CHD1L: variants seen among roughly 807,000 people sequenced by gnomAD.
CHD1L encodes the protein ATP-dependent chromatin remodeler CHD1L.
A neutral mutation model predicts 115.9 loss-of-function variants in CHD1L; 118 were observed. The observed-to-expected ratio is 1.02, with a 90% CI of 0.88 to 1.19. The LOEUF (loss-of-function observed/expected upper bound fraction) is 1.19. Ranked by LOEUF, CHD1L falls within the 50% of genes most tolerant of loss-of-function variation. CHD1L has a pLI of 0.00. For synonymous variants in CHD1L, 411 were observed against 387.1 expected (o/e 1.06, Z -0.72); for missense variants, 1,179 against 1,065.3 (o/e 1.11, Z -1.49).
At chr1:147,290,061 T>C (rs1429443294) in intron 19 of CHD1L, among the ~76,000 whole-genome samples, 1 of 152,118 alleles carries the variant, frequency 6.6e-6, no homozygotes, top group East Asian at 1.9e-4. Flanking sequence ...ATAGACAGGG[T>C]CTGTAAAATA....
At chr1:147,284,218 C>T in intron 15 of CHD1L, 133 bp from the exon 16 acceptor site, 1 of 632,232 alleles carries the variant, frequency 1.6e-6, no homozygotes, top group Admixed American at 3.5e-5. Context: ...AAATGAAATA[C>T]CTTCCTTCAT....
At chr1:147,234,777 A>T in the CHD1L span, among the ~76,000 whole-genome samples, 1 of 152,246 alleles carries the variant, frequency 6.6e-6, no homozygotes, top group Non-Finnish European at 1.5e-5. Flanking sequence ...TTATACTGAC[A>T]TGAAAAAATT....
At chr1:147,248,010 TTA>T (rs1667156671) in intron 1 of CHD1L, among the ~76,000 whole-genome samples, 1 of 152,206 alleles carries the variant, frequency 6.6e-6, no homozygotes, top group Non-Finnish European at 1.5e-5. Context: ...TTAACCTTGA[TTA>T]TGTGTTCAGA....
chr1:147,214,873 A>G, the CHD1L span: 1 of 152,058 alleles, frequency 6.6e-6, no homozygotes, highest in Non-Finnish European at 1.5e-5. Context: ...ATGGTAGCAA[A>G]CTTGTTCAAT....
At chr1:147,218,627 T>C in the CHD1L span, among the ~76,000 whole-genome samples, 1 of 152,212 alleles carries the variant, frequency 6.6e-6, no homozygotes, top group Non-Finnish European at 1.5e-5. Flanking sequence ...ATAGTTTCTC[T>C]TGATTCCATA....
the CHD1L span, among the ~76,000 whole-genome samples, chr1:147,227,446 C>T: frequency 2.0e-5 from 3 of 152,254 alleles, no homozygotes; most frequent in East Asian, 5.8e-4. Flanking sequence ...TTAATGTCCC[C>T]CTACTTCAAT....
In CHD1L at chr1:147,272,200, G is replaced by C. The variant is rs1457716456; in HGVS notation, c.1189G>C (p.Val397Leu). 6.2e-7 allele frequency: 1 copy of C among 1,614,142 alleles called. No individual in the cohort carries two copies. The highest frequency in any genetic ancestry group is 1.7e-4 in the Middle Eastern group (1 of 6,060). The stretch of plus-strand genomic sequence containing the variant: ...CAGCTATGAGCGTGTGGATGGTTCT[G>C]TGAGAGGAGAAGAGAGACACTTGGC... Reference protein sequence around the residue: ...GYSYERVDGSVRGEERHLAIK... With the variant: ...GYSYERVDGSLRGEERHLAIK... Residue 397 changes from valine (V) to leucine (L), a missense_variant, in exon 12 of 23, where the codon GTG becomes CTG. Val to Leu is a conservative substitution (Grantham distance 32). Transcript: ENST00000369258.
chr1:147,182,957 T>C, the CHD1L span, among the ~76,000 whole-genome samples: 1 of 152,200 alleles, frequency 6.6e-6, no homozygotes, highest in Non-Finnish European at 1.5e-5. Flanking sequence ...CCCAGCACTT[T>C]GGGAGGCCGA....
the CHD1L span, chr1:147,208,318 GGT>G: frequency 6.6e-6 from 1 of 152,370 alleles, no homozygotes; most frequent in African/African-American, 2.4e-5. Context: ...ATGAGAAAAG[GGT>G]TACTGCCAAA....
At chr1:147,186,650 A>G in the CHD1L span, 5 of 1,242,366 alleles carry the variant, frequency 4.0e-6, no homozygotes, top group South Asian at 1.2e-4. Context: ...GATGACTAAA[A>G]GAGTACCTGA....
At chr1:147,256,288 T>C (rs929450384) in intron 4 of CHD1L, among the ~76,000 whole-genome samples, 1 of 152,176 alleles carries the variant, frequency 6.6e-6, no homozygotes, top group South Asian at 2.1e-4. Flanking sequence ...GCTCCGGCCT[T>C]ATTTTAAATC....
At chr1:147,259,728 C>T in intron 5 of CHD1L, 109 bp from the exon 6 acceptor site, 1 of 864,170 alleles carries the variant, frequency 1.2e-6, no homozygotes, top group East Asian at 2.5e-5. Context: ...ATAGAAGGGG[C>T]TTACTGTTAA....
rs139416201 is a variant in CHD1L at position 147,288,757 on chromosome 1, T to G, written c.2320+1024T>G. 1.4e-3 allele frequency among the ~76,000 whole-genome samples: 210 copies of G among 152,252 alleles called. 2 individuals are homozygous for G. The highest frequency in any genetic ancestry group is 1.2e-3 in the Non-Finnish European group (83 of 68,028). On this transcript the variant is annotated intron_variant, in intron 19 of 22. Coordinates refer to ENST00000369258, the MANE Select transcript of CHD1L (RefSeq NM_004284.6). ...AACTCGGGTTTGGTGCTGAGTGGAA[T>G]GAAGATGTGTTAAGAGGTCAGCACA... is the stretch of plus-strand genomic sequence containing the variant.
the CHD1L span, among the ~76,000 whole-genome samples, chr1:147,227,661 C>G: frequency 6.6e-6 from 1 of 152,186 alleles, no homozygotes; most frequent in Admixed American, 6.5e-5. Flanking sequence ...CATGCTATTA[C>G]TAGACAGCAA....
intron 1 of CHD1L, among the ~76,000 whole-genome samples, chr1:147,250,411 C>T (rs1178542812): frequency 6.6e-6 from 1 of 152,050 alleles, no homozygotes; most frequent in South Asian, 2.1e-4. Flanking sequence ...CTTGTTAGTG[C>T]CAGGTGGGGA....
At chr1:147,270,331 C>T (rs1198803830) in intron 10 of CHD1L, among the ~76,000 whole-genome samples, 4 of 152,162 alleles carry the variant, frequency 2.6e-5, no homozygotes, top group African/African-American at 9.7e-5. Context: ...CCTCCTCTCG[C>T]TATACAAAAA....
In CHD1L at chr1:147,275,466, CAAGT is replaced by C. The variant is rs782135795; in HGVS notation, c.1385+3_1385+6del. 8.1e-6 allele frequency: 13 copies of C among 1,612,616 alleles called. No individual in the cohort carries two copies. Among genetic ancestry groups the C allele is most frequent in the Non-Finnish European group, 1.0e-5 (12 of 1,178,680 alleles). ...CCAGGGCTCATCGCATTGGCCAAAA[CAAGT>C]AAGTGATTTTTTTCTGCTTCCTTGG... On this transcript the variant is annotated splice_donor_variant and coding_sequence_variant, in exon 13 of 23. Transcript: ENST00000369258. LOFTEE classifies it high-confidence loss of function.
chr1:147,235,818 T>C, the CHD1L span, among the ~76,000 whole-genome samples: 272 of 152,334 alleles, frequency 1.8e-3, no homozygotes, highest in African/African-American at 6.2e-3. Flanking sequence ...TGAGACAACC[T>C]GTCCCCTACA....
At chr1:147,271,189 A>G (rs1274901622) in intron 11 of CHD1L, 184 bp downstream of exon 11, 5 of 508,492 alleles carry the variant, frequency 9.8e-6, no homozygotes, top group African/African-American at 7.6e-5. Flanking sequence ...TGGACAGCAG[A>G]GAACAGGCAC....
Sources: allele counts gnomAD v4.1 joint callset (sites outside exome capture counted in the v4.1 genomes callset), GRCh38; gene constraint gnomAD v4.1.1; transcripts MANE v1.5; gene names NCBI Gene and HGNC (gene_info 2026-07-23, HGNC 2026-07-21).